Variants in RBFOX1 observed in about 807,000 individuals in gnomAD.
The protein encoded by RBFOX1 is RNA binding protein fox-1 homolog 1.
RBFOX1 carries 8 observed loss-of-function variants against 57.7 expected under a neutral mutation model. The observed-to-expected ratio is 0.14, with a 90% CI of 0.08 to 0.25. RBFOX1 has a LOEUF of 0.25. RBFOX1 is among the 10% of genes least tolerant of loss of function. The pLI is 1.00. For missense variants in RBFOX1, 611 were observed against 548.5 expected (o/e 1.11, Z -1.14); for synonymous variants, 326 against 222.4 (o/e 1.47, Z -4.15).
intron 1 of RBFOX1, among the ~76,000 whole-genome samples, chr16:6,140,755 T>C (rs1329719056): frequency 6.6e-6 from 1 of 152,174 alleles, no homozygotes; most frequent in Non-Finnish European, 1.5e-5. Context: ...GAGTACCTCA[T>C]CCTATAAGCA....
intron 2 of RBFOX1, among the ~76,000 whole-genome samples, chr16:5,550,968 G>A (rs2045438874): frequency 6.6e-6 from 1 of 152,172 alleles, no homozygotes; most frequent in African/African-American, 2.4e-5. Flanking sequence ...TAAGCCTTGA[G>A]AAGGATCCAA....
rs918425879 is a variant in RBFOX1, at chr16:6,601,764, T to C, written c.-63-52839T>C. 6.6e-5 allele frequency among the ~76,000 whole-genome samples: 10 copies of C among 152,308 alleles called. No individual in the cohort carries two copies. The East Asian group carries it at 7.7e-4, about 12-fold the overall frequency. On this transcript the variant is annotated intron_variant, in intron 2 of 15. Transcript: ENST00000550418. ...CAAGAGCAAGGAAGGAGAAAAGATA[T>C]AGCTGAGTTTAACCAAAGCAAACAG...
intron 3 of RBFOX1, among the ~76,000 whole-genome samples, chr16:6,989,628 A>G (rs1386118630): frequency 1.3e-5 from 2 of 152,210 alleles, no homozygotes; most frequent in Non-Finnish European, 2.9e-5. Context: ...TTATCTCTGC[A>G]GACTGTCTGG....
At chr16:7,461,635 C>G (rs540258267) in intron 4 of RBFOX1, among the ~76,000 whole-genome samples, 2 of 152,038 alleles carry the variant, frequency 1.3e-5, no homozygotes, top group Non-Finnish European at 2.9e-5. Flanking sequence ...TTCCAAAAGC[C>G]GTACGTTTTC....
At chr16:6,313,052 C>A (rs1005955583) in intron 1 of RBFOX1, among the ~76,000 whole-genome samples, 22 of 152,172 alleles carry the variant, frequency 1.4e-4, no homozygotes, top group African/African-American at 4.8e-4. Flanking sequence ...AGCAGCAATG[C>A]ACTGGAGTTA....
intron 1 of RBFOX1, among the ~76,000 whole-genome samples, chr16:5,259,400 CTGGG>C (rs1286478748): frequency 6.6e-6 from 1 of 152,180 alleles, no homozygotes; most frequent in Non-Finnish European, 1.5e-5. Context: ...GCTCTGGGAG[CTGGG>C]TTGGGAACTA....
intron 5 of RBFOX1, among the ~76,000 whole-genome samples, chr16:7,521,551 G>C (rs780396106): frequency 6.6e-6 from 1 of 152,110 alleles, no homozygotes. Context: ...TAGCGTGTTG[G>C]GTGTCCACAG....
intron 1 of RBFOX1, among the ~76,000 whole-genome samples, chr16:5,455,886 T>C (rs542438723): frequency 5.1e-4 from 78 of 152,304 alleles, no homozygotes; most frequent in South Asian, 1.2e-3. Context: ...CCTTTGACTA[T>C]ATCCTTCACG....
chr16:6,229,159 C>A (rs551487826), intron 1 of RBFOX1, among the ~76,000 whole-genome samples: 32 of 152,132 alleles, frequency 2.1e-4, no homozygotes, highest in African/African-American at 7.2e-4. Context: ...TTACCTTTTA[C>A]CCCCCGAGAC....
At chr16:6,825,429 T>G (rs1313212016) in intron 3 of RBFOX1, among the ~76,000 whole-genome samples, 1 of 151,996 alleles carries the variant, frequency 6.6e-6, no homozygotes, top group African/African-American at 2.4e-5. Flanking sequence ...AAGGCAGGGA[T>G]GATTTGAAAA....
Position 6,135,490 on chromosome 16 carries a change from G to C in RBFOX1, c.-127+115498G>C, listed in dbSNP as rs545697098. Among the ~76,000 whole-genome samples, 3 of 152,216 alleles carry C rather than the reference G, an allele frequency of 2.0e-5. No homozygotes were observed. In the South Asian group the frequency reaches 6.2e-4, roughly 32 times the overall value. ...TTGTCCTGAATCCCATCATCATTTT[G>C]AGGCAAATTGGAGGGATCACAGATT... is the stretch of plus-strand genomic sequence containing the variant. On this transcript the variant is annotated intron_variant, in intron 1 of 15. Transcript: ENST00000550418.
At chr16:6,684,892 A>G (rs966559955) in intron 3 of RBFOX1, among the ~76,000 whole-genome samples, 3 of 152,180 alleles carry the variant, frequency 2.0e-5, no homozygotes, top group African/African-American at 4.8e-5. Flanking sequence ...CATGTTCTCT[A>G]TACATACGAA....
At chr16:7,219,537 C>G (rs899556533) in intron 4 of RBFOX1, among the ~76,000 whole-genome samples, 1 of 152,158 alleles carries the variant, frequency 6.6e-6, no homozygotes, top group African/African-American at 2.4e-5. Flanking sequence ...CAAGAGGAAA[C>G]AAATATGACA....
Position 6,390,384 on chromosome 16 carries a change from G to A in RBFOX1, c.-64+73327G>A, listed in dbSNP as rs763181611. Among the ~76,000 whole-genome samples, 151 of 152,236 alleles carry A rather than the reference G, an allele frequency of 9.9e-4. 1 individual carries two copies. The highest frequency in any genetic ancestry group is 7.7e-4 in the East Asian group (4 of 5,176). On this transcript the variant is annotated intron_variant, in intron 2 of 15. Coordinates refer to ENST00000550418, the MANE Select transcript of RBFOX1 (RefSeq NM_018723.4). ...AACTGAAGGGCTGTGCAGGTACCTA[G>A]TGTTTTACTTTGTGCCAATTATTTG...
intron 2 of RBFOX1, among the ~76,000 whole-genome samples, chr16:5,484,029 G>A (rs1193364998): frequency 2.6e-5 from 4 of 152,042 alleles, no homozygotes; most frequent in Non-Finnish European, 4.4e-5. Context: ...TAAACAGCTG[G>A]GCATGGTGGT....
At chr16:7,375,843 T>A (rs952810760) in intron 4 of RBFOX1, among the ~76,000 whole-genome samples, 2 of 152,206 alleles carry the variant, frequency 1.3e-5, no homozygotes, top group Non-Finnish European at 2.9e-5. Context: ...ATAATTTTAT[T>A]ATTTGGTACT....
intron 3 of RBFOX1, among the ~76,000 whole-genome samples, chr16:5,769,825 G>C (rs1168768374): frequency 6.6e-6 from 1 of 152,208 alleles, no homozygotes; most frequent in Non-Finnish European, 1.5e-5. Context: ...TGGCCTCCCA[G>C]ACGACAAGAT....
At chr16:6,203,490 T>G (rs1032056488) in intron 1 of RBFOX1, among the ~76,000 whole-genome samples, 1 of 152,232 alleles carries the variant, frequency 6.6e-6, no homozygotes, top group African/African-American at 2.4e-5. Context: ...TCATTGTTGA[T>G]GGACATTTAT....
chr16:6,159,680 A>T (rs2096863667), intron 1 of RBFOX1, among the ~76,000 whole-genome samples: 1 of 152,206 alleles, frequency 6.6e-6, no homozygotes, highest in African/African-American at 2.4e-5. Context: ...AATATCAAGA[A>T]GTATGTACAG....
Sources: gnomAD v4.1 joint callset for allele counts (sites outside exome capture counted in the v4.1 genomes callset) on GRCh38, gnomAD v4.1.1 for gene constraint, MANE v1.5 for transcripts, NCBI Gene and HGNC (gene_info 2026-07-23, HGNC 2026-07-21) for gene names.